The following USP2 variants were observed in gnomAD, a reference collection of about 807,000 sequenced individuals.
The protein encoded by USP2 is ubiquitin specific peptidase 2, also known as ubiquitin carboxyl-terminal hydrolase 2.
A neutral mutation model predicts 72.0 loss-of-function variants in USP2; 33 were observed. The ratio of observed to expected loss-of-function variants is 0.46; its 90% CI spans 0.35 to 0.61. The LOEUF (loss-of-function observed/expected upper bound fraction) is 0.61, where lower values mean the gene tolerates loss of function less well. Ranked by LOEUF, USP2 falls within the 20% of genes least tolerant of loss-of-function variation. The pLI, the probability that USP2 is intolerant of heterozygous loss-of-function variation, is 0.01. For synonymous variants in USP2, 296 were observed against 312.5 expected (o/e 0.95, Z 0.56); for missense variants, 691 against 797.8 (o/e 0.87, Z 1.61).
Position 119,358,508 on chromosome 11 carries a change from G to A in USP2, c.1238-256C>T, listed in dbSNP as rs182933789. On this transcript the variant is annotated intron_variant, in intron 7 of 12. Transcript: ENST00000260187. ...TTTTTGCATTTTTAGTAGAGATGGGGTTTTGCCATGTTGGCCAGGCTGGTC... is the reference window on the plus strand; with the variant it reads ...TTTTTGCATTTTTAGTAGAGATGGGATTTTGCCATGTTGGCCAGGCTGGTC... 1.6e-3 allele frequency among the ~76,000 whole-genome samples: 242 copies of A among 152,268 alleles called. 1 individual carries two copies. The highest frequency in any genetic ancestry group is 1.5e-3 in the Non-Finnish European group (102 of 68,030).
In USP2 at chr11:119,372,956, C is replaced by T. The variant is rs139055772; in HGVS notation, c.525G>A (p.Thr175=). 47 of 1,613,696 alleles carry T rather than the reference C, an allele frequency of 2.9e-5. No individual in the cohort carries two copies. The African/African-American group carries it at 3.9e-4, about 13-fold the overall frequency. The stretch of plus-strand genomic sequence containing the variant: ...CCTGCAGGGTGCAGAGCTCCTTGCG[C>T]GTCCGGGCCAGCATGGGGCTGCGGC... ...NLGRSPMLAR[T]RKELCTLQGL... is the part of the protein sequence containing the mutation. The change falls in exon 2 of 13, where the codon ACG becomes ACA. Residue 175 remains threonine (T), a synonymous_variant. Transcript: ENST00000260187.
rs1477237780 is a variant in USP2 at position 119,359,631 on chromosome 11, C to T, written c.855G>A (p.Leu285=). 6.2e-7 allele frequency: 1 copy of T among 1,613,800 alleles called. No individual in the cohort carries two copies. Among genetic ancestry groups the T allele is most frequent in the Non-Finnish European group, 8.5e-7 (1 of 1,180,028 alleles). ...TCFMNSILQC[L]SNTRELRDYC... ...AATCTCTCAACTCCCGAGTGTTGCT[C>T]AGGCACTGCAGAATTGAGTTCATGA... The change falls in exon 4 of 13, where the codon CTG becomes CTA. Residue 285 remains leucine (L), a synonymous_variant. Coordinates refer to ENST00000260187, the MANE Select transcript of USP2 (RefSeq NM_004205.5).
intron 1 of USP2, chr11:119,376,321 G>A (rs1246952257): frequency 2.0e-6 from 2 of 985,490 alleles, no homozygotes; most frequent in South Asian, 9.4e-5. Flanking sequence ...GGGACAGGAC[G>A]GGCACTCACG....
intron 1 of USP2, 48 bp downstream of exon 1, chr11:119,381,425 A>C (rs561902287): frequency 6.5e-7 from 1 of 1,530,426 alleles, no homozygotes; most frequent in South Asian, 1.2e-5. Context: ...CCAAACCGGC[A>C]CTGATCCCCG....
At chr11:119,363,955 G>C in intron 2 of USP2, 1 of 1,286,738 alleles carries the variant, frequency 7.8e-7, no homozygotes, top group Non-Finnish European at 9.9e-7. Flanking sequence ...GGGGGCGGCG[G>C]GGGGGTCCTC....
At chr11:119,374,423 G>A (rs1415133378) in intron 1 of USP2, among the ~76,000 whole-genome samples, 1 of 152,228 alleles carries the variant, frequency 6.6e-6, no homozygotes, top group Non-Finnish European at 1.5e-5. Flanking sequence ...GTCTAGTGAA[G>A]GAACACAGAC....
At chr11:119,380,429 C>A (rs186825421) in intron 1 of USP2, among the ~76,000 whole-genome samples, 3 of 152,068 alleles carry the variant, frequency 2.0e-5, no homozygotes, top group Non-Finnish European at 4.4e-5. Context: ...AATGCTTGGC[C>A]CCTCTGGGGT....
intron 2 of USP2, among the ~76,000 whole-genome samples, chr11:119,368,380 A>G (rs184484372): frequency 6.6e-6 from 1 of 152,334 alleles, no homozygotes; most frequent in East Asian, 1.9e-4. Context: ...GAGCGAGAAC[A>G]TGAGGGACGA....
chr11:119,376,101 G>A, intron 1 of USP2: 1 of 845,254 alleles, frequency 1.2e-6, no homozygotes, highest in Non-Finnish European at 1.4e-6. Flanking sequence ...TGCGGAGAGG[G>A]TTCCTACTGG....
Position 119,356,863 on chromosome 11 carries a change from T to C in USP2, c.1790A>G (p.Glu597Gly). 6.4e-7 allele frequency: 1 copy of C among 1,566,168 alleles called. No homozygotes were observed. The highest frequency in any genetic ancestry group is 8.7e-7 in the Non-Finnish European group (1 of 1,155,706). Reference sequence around the variant, plus strand: ...CATTCGGGAGGGCGGGCTGGCCAGTTCGTAGAAGAGCAGGTAGGCGTCGCT... The same window carrying C: ...CATTCGGGAGGGCGGGCTGGCCAGTCCGTAGAAGAGCAGGTAGGCGTCGCT... ...RTSDAYLLFY[E>G]LASPPSRM is the part of the protein sequence containing the mutation. Residue 597 changes from glutamate to glycine, a missense_variant, in exon 13 of 13, where the codon GAA (glutamate) becomes GGA (glycine). Coordinates refer to ENST00000260187, the MANE Select transcript of USP2 (RefSeq NM_004205.5).
At chr11:119,365,665 C>T (rs953075884) in intron 2 of USP2, among the ~76,000 whole-genome samples, 9 of 152,182 alleles carry the variant, frequency 5.9e-5, no homozygotes, top group Non-Finnish European at 8.8e-5. Context: ...CATCCAGCCC[C>T]GAAGCCTCAG....
chr11:119,368,181 C>G lies in USP2; in HGVS notation c.774+4526G>C, dbSNP rs80225862. On this transcript the variant is annotated intron_variant, in intron 2 of 12. Transcript: ENST00000260187. ...TACAGCTCCTGGCCAAGGGGCCCCT[C>G]TGGCTTAAGGTCCTTTAGTGACCTT... 5.0e-3 allele frequency among the ~76,000 whole-genome samples: 757 copies of G among 152,370 alleles called. 4 individuals are homozygous for G. Among genetic ancestry groups the G allele is most frequent in the African/African-American group, 0.016 (669 of 41,586 alleles).
At chr11:119,375,674 G>A (rs1239646598) in intron 1 of USP2, among the ~76,000 whole-genome samples, 3 of 152,202 alleles carry the variant, frequency 2.0e-5, no homozygotes, top group Non-Finnish European at 2.9e-5. Context: ...TGGGCTCTGG[G>A]ACACCAGGCA....
In USP2 at chr11:119,373,070, G is replaced by T. The variant is rs977716756; in HGVS notation, c.411C>A (p.Thr137=). 7 of 1,613,918 alleles carry T rather than the reference G, an allele frequency of 4.3e-6. No individual in the cohort carries two copies. The highest frequency in any genetic ancestry group is 4.2e-6 in the Non-Finnish European group (5 of 1,180,032). The change falls in exon 2 of 13, where the codon ACC becomes ACA. Residue 137 remains threonine (T), a synonymous_variant. Transcript: ENST00000260187. ...INAYDQGVTL[T]QKLDSQSDLA... is the part of the protein sequence containing the mutation. ...GGTCTGATTGGCTGTCCAGCTTCTG[G>T]GTTAGGGTCACCCCCTGGTCATAGG... is the stretch of plus-strand genomic sequence containing the variant.
chr11:119,357,132 TG>T, intron 12 of USP2, 54 bp downstream of exon 12: 1 of 1,315,156 alleles, frequency 7.6e-7, no homozygotes, highest in South Asian at 1.3e-5. Context: ...GGTGGAGGAG[TG>T]GGGGGAGAGT....
At chr11:119,356,948 C>G (rs1218648164) in intron 12 of USP2, 26 bp from the exon 13 acceptor site, 3 of 1,549,862 alleles carry the variant, frequency 1.9e-6, no homozygotes, top group Non-Finnish European at 2.6e-6. Context: ...GGAGTCAGCC[C>G]GGAGCGGGCA....
In USP2 at chr11:119,357,313, G is replaced by C; in HGVS notation, c.1610-6C>G. 1 of 1,613,322 alleles carries C rather than the reference G, an allele frequency of 6.2e-7. No individual in the cohort carries two copies. Among genetic ancestry groups the C allele is most frequent in the Non-Finnish European group, 8.5e-7 (1 of 1,179,840 alleles). On this transcript the variant is annotated splice_region_variant and splice_polypyrimidine_tract_variant and intron_variant, in intron 11 of 12. Coordinates refer to ENST00000260187, the MANE Select transcript of USP2 (RefSeq NM_004205.5). Reference sequence around the variant, plus strand: ...CAGGTTGTAAACAGCATGGTCTGAGGAGGAGGCAGCCGTCAAGCCCCCGAG... The same window carrying C: ...CAGGTTGTAAACAGCATGGTCTGAGCAGGAGGCAGCCGTCAAGCCCCCGAG...
intron 7 of USP2, 187 bp downstream of exon 7, chr11:119,358,586 G>C (rs1221574518): frequency 9.6e-6 from 7 of 729,392 alleles, no homozygotes; most frequent in Non-Finnish European, 9.0e-6. Context: ...AAAGTGTTGG[G>C]TTTACAGGCA....
At position 119,356,535 on chromosome 11, in the gene USP2, C is replaced by T; in HGVS notation, c.*300G>A. ...GCGGCGCAGCGAGGGTCTTCCCCCC[C>T]AAGACACAGTTGTTTCTGACACATA... On this transcript the variant is annotated 3_prime_UTR_variant, in exon 13 of 13. Transcript: ENST00000260187. 9.4e-6 allele frequency: 3 copies of T among 319,980 alleles called. No individual in the cohort carries two copies. Among genetic ancestry groups the T allele is most frequent in the Non-Finnish European group, 1.7e-5 (3 of 175,136 alleles). The allele number at this position is 319,980 out of a possible 1,614,324, so 19.8% of individuals were successfully genotyped here.
Sources: allele counts gnomAD v4.1 joint callset (sites outside exome capture counted in the v4.1 genomes callset), GRCh38; gene constraint gnomAD v4.1.1; transcripts MANE v1.5; gene names NCBI Gene and HGNC (gene_info 2026-07-23, HGNC 2026-07-21).